The following GALNT17 variants were observed in gnomAD, a reference collection of about 807,000 sequenced individuals.
The protein encoded by GALNT17 is polypeptide N-acetylgalactosaminyltransferase 17.
A neutral mutation model predicts 63.7 loss-of-function variants in GALNT17; 29 were observed. The observed-to-expected ratio is 0.46, with a 90% CI of 0.34 to 0.62. GALNT17 has a LOEUF of 0.62. GALNT17 is among the 20% of genes least tolerant of loss of function. The pLI, the probability that GALNT17 is intolerant of heterozygous loss-of-function variation, is 0.01. For missense variants in GALNT17, 603 were observed against 799.6 expected, an observed-to-expected ratio of 0.75 and a Z score of 2.97; for synonymous variants, 305 against 318.3, an observed-to-expected ratio of 0.96 and a Z score of 0.45.
At chr7:71,360,246 G>C (rs1792372119) in intron 2 of GALNT17, among the ~76,000 whole-genome samples, 1 of 152,158 alleles carries the variant, frequency 6.6e-6, no homozygotes, top group Non-Finnish European at 1.5e-5. Context: ...GACTTCTAGT[G>C]AACTCATTTG....
At chr7:71,385,395 G>T (rs1332761032) in intron 2 of GALNT17, among the ~76,000 whole-genome samples, 2 of 152,200 alleles carry the variant, frequency 1.3e-5, no homozygotes, top group African/African-American at 4.8e-5. Context: ...TGCCCTGAGG[G>T]ATGATGGTGA....
At chr7:71,312,485 T>G (rs902290788) in intron 1 of GALNT17, among the ~76,000 whole-genome samples, 15 of 152,220 alleles carry the variant, frequency 9.9e-5, no homozygotes, top group African/African-American at 3.6e-4. Flanking sequence ...TAGTGTATTC[T>G]GAGTACCATA....
intron 1 of GALNT17, among the ~76,000 whole-genome samples, chr7:71,174,741 C>T (rs10244928): frequency 0.17 from 25,601 of 152,070 alleles, 4,125 homozygotes; most frequent in African/African-American, 0.42. Flanking sequence ...GGGGCAGAAA[C>T]AAATCACAAT....
intron 2 of GALNT17, among the ~76,000 whole-genome samples, chr7:71,361,233 A>C (rs1167302288): frequency 6.6e-6 from 1 of 152,180 alleles, no homozygotes; most frequent in African/African-American, 2.4e-5. Flanking sequence ...TGGGCATAAG[A>C]AACACCTGGG....
intron 1 of GALNT17, among the ~76,000 whole-genome samples, chr7:71,317,694 G>A (rs1290177073): frequency 6.6e-6 from 1 of 152,154 alleles, no homozygotes; most frequent in Admixed American, 6.5e-5. Context: ...GGGTTTCTGT[G>A]TATTTGGTCA....
chr7:71,465,316 G>A (rs1199922462), intron 5 of GALNT17, among the ~76,000 whole-genome samples: 2 of 152,136 alleles, frequency 1.3e-5, no homozygotes, highest in Non-Finnish European at 2.9e-5. Flanking sequence ...AGTTAGCTCA[G>A]CCTACGTGCA....
At chr7:71,494,491 G>A (rs534424684) in intron 5 of GALNT17, among the ~76,000 whole-genome samples, 1 of 152,146 alleles carries the variant, frequency 6.6e-6, no homozygotes, top group South Asian at 2.1e-4. Flanking sequence ...GACTACAGGT[G>A]TGCACTAGCA....
Position 71,401,454 on chromosome 7 carries a change from C to A in GALNT17, c.589+13053C>A, listed in dbSNP as rs200114555. On this transcript the variant is annotated intron_variant, in intron 3 of 10. Coordinates refer to ENST00000333538, the MANE Select transcript of GALNT17 (RefSeq NM_022479.3). Reference sequence around the variant, plus strand: ...TCACTTTTTTAATTTACCTTGTTACCTTCTTTGTTGTAAAGCAGGGGTCCC... The same window carrying A: ...TCACTTTTTTAATTTACCTTGTTACATTCTTTGTTGTAAAGCAGGGGTCCC... Among the ~76,000 whole-genome samples the A allele has an allele frequency of 2.0e-5, 3 of 151,908 alleles. No homozygotes were observed. The East Asian group carries it at 5.8e-4, about 29-fold the overall frequency.
chr7:71,537,643 C>T (rs191166118), intron 5 of GALNT17, among the ~76,000 whole-genome samples: 1 of 152,068 alleles, frequency 6.6e-6, no homozygotes, highest in East Asian at 1.9e-4. Context: ...GAAACCCTGT[C>T]TGTGCTAAAA....
intron 3 of GALNT17, among the ~76,000 whole-genome samples, chr7:71,402,503 G>A (rs1793257832): frequency 1.3e-5 from 2 of 152,174 alleles, no homozygotes; most frequent in Non-Finnish European, 2.9e-5. Context: ...ACATATTTTG[G>A]CTTGAATGCT....
intron 5 of GALNT17, among the ~76,000 whole-genome samples, chr7:71,529,114 G>GA (rs1336645501): frequency 6.6e-6 from 1 of 152,014 alleles, no homozygotes; most frequent in Non-Finnish European, 1.5e-5. Context: ...CAGCCTGGGT[G>GA]ACAGACCAAG....
intron 6 of GALNT17, among the ~76,000 whole-genome samples, chr7:71,630,666 A>G (rs1331079985): frequency 6.6e-6 from 1 of 152,216 alleles, no homozygotes; most frequent in Admixed American, 6.5e-5. Flanking sequence ...ATTGGCCCTC[A>G]CAAACACATG....
intron 1 of GALNT17, among the ~76,000 whole-genome samples, chr7:71,165,513 A>T (rs1387148076): frequency 6.6e-6 from 1 of 152,116 alleles, no homozygotes; most frequent in East Asian, 1.9e-4. Flanking sequence ...CCCCTTTATA[A>T]AATCACCAGA....
At chr7:71,279,701 T>C (rs998790790) in intron 1 of GALNT17, among the ~76,000 whole-genome samples, 1 of 151,722 alleles carries the variant, frequency 6.6e-6, no homozygotes, top group African/African-American at 2.4e-5. Context: ...TCATGTTCTC[T>C]TCACTGCCTT....
At chr7:71,338,576 C>G (rs910803457) in intron 2 of GALNT17, among the ~76,000 whole-genome samples, 1 of 151,948 alleles carries the variant, frequency 6.6e-6, no homozygotes, top group African/African-American at 2.4e-5. Flanking sequence ...ATTTTGTGCT[C>G]TCAGATTTAA....
chr7:71,350,744 T>C (rs1371768924), intron 2 of GALNT17, among the ~76,000 whole-genome samples: 1 of 152,180 alleles, frequency 6.6e-6, no homozygotes, highest in Non-Finnish European at 1.5e-5. Flanking sequence ...CAATCCCCCT[T>C]AGATACTGGG....
intron 8 of GALNT17, among the ~76,000 whole-genome samples, chr7:71,671,891 GT>G (rs1158769237): frequency 2.0e-5 from 3 of 152,030 alleles, no homozygotes; most frequent in African/African-American, 7.2e-5. Context: ...CTAGCTGAGC[GT>G]GGTGGCTGGT....
intron 1 of GALNT17, among the ~76,000 whole-genome samples, chr7:71,246,261 A>G (rs1226347930): frequency 6.6e-6 from 1 of 150,738 alleles, no homozygotes; most frequent in African/African-American, 2.4e-5. Flanking sequence ...AGCTGGGATT[A>G]CAGGCACCCA....
intron 9 of GALNT17, among the ~76,000 whole-genome samples, chr7:71,691,774 G>A (rs1353763395): frequency 1.3e-5 from 2 of 152,294 alleles, no homozygotes; most frequent in East Asian, 3.9e-4. Flanking sequence ...GTCACCAGCT[G>A]AGCCTTTCTC....
Sources: allele counts gnomAD v4.1 joint callset (sites outside exome capture counted in the v4.1 genomes callset), GRCh38; gene constraint gnomAD v4.1.1; transcripts MANE v1.5; gene names NCBI Gene and HGNC (gene_info 2026-07-23, HGNC 2026-07-21).